Variants in PKNOX2 observed in about 807,000 individuals in gnomAD.
PKNOX2 encodes the protein PBX/knotted 1 homeobox 2.
A neutral mutation model predicts 53.1 loss-of-function variants in PKNOX2; 14 were observed. The observed-to-expected ratio is 0.26, with a 90% CI of 0.17 to 0.41. The LOEUF (loss-of-function observed/expected upper bound fraction) is 0.41. Ranked by LOEUF, PKNOX2 falls within the 10% of genes least tolerant of loss-of-function variation. The pLI, the probability that PKNOX2 is intolerant of heterozygous loss-of-function variation, is 1.00. For missense variants in PKNOX2, 496 were observed against 602.8 expected (o/e 0.82, Z 1.85); for synonymous variants, 257 against 242.8 (o/e 1.06, Z -0.54).
At chr11:125,431,083 G>A in intron 12 of PKNOX2, 83 bp from the exon 13 acceptor site, 1 of 1,517,366 alleles carries the variant, frequency 6.6e-7, no homozygotes, top group Non-Finnish European at 8.8e-7. Flanking sequence ...CTATGAGCCA[G>A]TCCATTAAAC....
At chr11:125,337,316 C>T (rs559162964) in intron 3 of PKNOX2, among the ~76,000 whole-genome samples, 22 of 152,174 alleles carry the variant, frequency 1.4e-4, no homozygotes, top group Non-Finnish European at 2.8e-4. Flanking sequence ...GTTCAGTGTT[C>T]TCCGCCTCTT....
chr11:125,248,268 C>T (rs1943709913), intron 2 of PKNOX2, among the ~76,000 whole-genome samples: 1 of 152,170 alleles, frequency 6.6e-6, no homozygotes, highest in Non-Finnish European at 1.5e-5. Context: ...CAATTTGTCA[C>T]TAGTTACTGG....
chr11:125,207,784 G>A lies in PKNOX2; in HGVS notation c.-200-27261G>A, dbSNP rs935140536. ...AGGAAGAGATGGGAATAAGCATGTC[G>A]GGGGCATGGCTGGCTGTGCCAAATG... is the stretch of plus-strand genomic sequence containing the variant. On this transcript the variant is annotated intron_variant, in intron 1 of 12. Transcript: ENST00000298282. Among the ~76,000 whole-genome samples, 101 of 152,146 alleles carry A rather than the reference G, an allele frequency of 6.6e-4. 1 individual carries two copies. The highest frequency in any genetic ancestry group is 2.3e-3 in the African/African-American group (96 of 41,558).
intron 1 of PKNOX2, among the ~76,000 whole-genome samples, chr11:125,189,508 G>C (rs1221345308): frequency 7.4e-6 from 1 of 134,230 alleles, no homozygotes; most frequent in African/African-American, 2.8e-5. Flanking sequence ...CAAGGAGAGA[G>C]GGGTAGCCCT....
chr11:125,347,756 A>C lies in PKNOX2; in HGVS notation c.-22-3528A>C, dbSNP rs527682751. ...ATGTCATTGTGGGGTCAAGTGTTGC[A>C]ATAGAATTTTTCCCTCCTAGATGTC... On this transcript the variant is annotated intron_variant, in intron 3 of 12. Coordinates refer to ENST00000298282, the MANE Select transcript of PKNOX2 (RefSeq NM_001382323.2). 9.2e-5 allele frequency among the ~76,000 whole-genome samples: 14 copies of C among 152,334 alleles called. No individual in the cohort carries two copies. The South Asian group carries it at 2.3e-3, about 25-fold the overall frequency.
At chr11:125,361,701 T>C (rs1951936968) in intron 4 of PKNOX2, among the ~76,000 whole-genome samples, 2 of 152,216 alleles carry the variant, frequency 1.3e-5, no homozygotes, top group African/African-American at 4.8e-5. Context: ...CCTAATGCTA[T>C]CCCACCCCAT....
At chr11:125,382,541 A>G (rs1387002715) in intron 5 of PKNOX2, among the ~76,000 whole-genome samples, 8 of 152,192 alleles carry the variant, frequency 5.3e-5, no homozygotes, top group Admixed American at 2.0e-4. Flanking sequence ...GGCTGTTTAA[A>G]TGGCAGCAGG....
chr11:125,212,427 G>T (rs1220638824), intron 1 of PKNOX2, among the ~76,000 whole-genome samples: 1 of 150,890 alleles, frequency 6.6e-6, no homozygotes, highest in African/African-American at 2.4e-5. Context: ...GTCAACACTG[G>T]ACAGAAGAAT....
intron 2 of PKNOX2, among the ~76,000 whole-genome samples, chr11:125,306,965 C>T (rs1157742785): frequency 6.6e-6 from 1 of 152,208 alleles, no homozygotes; most frequent in African/African-American, 2.4e-5. Context: ...GCTTTGGCAT[C>T]TTAACCAGCC....
intron 4 of PKNOX2, among the ~76,000 whole-genome samples, chr11:125,358,058 A>T (rs1231273886): frequency 6.6e-6 from 1 of 152,152 alleles, no homozygotes; most frequent in Non-Finnish European, 1.5e-5. Context: ...CTGTCTCACG[A>T]GGCTGTTGAG....
chr11:125,300,249 G>C (rs10466540), intron 2 of PKNOX2, among the ~76,000 whole-genome samples: 25,147 of 152,140 alleles, frequency 0.17, 2,302 homozygotes, highest in East Asian at 0.24. Flanking sequence ...CTTTATCTCT[G>C]TTTTGACCCC....
chr11:125,357,329 C>A (rs902367111), intron 4 of PKNOX2, among the ~76,000 whole-genome samples: 1 of 152,154 alleles, frequency 6.6e-6, no homozygotes, highest in Non-Finnish European at 1.5e-5. Context: ...CAGGTCCAAC[C>A]GTGGGGCCTT....
intron 10 of PKNOX2, among the ~76,000 whole-genome samples, chr11:125,423,428 CCT>C (rs201625033): frequency 0.013 from 1,976 of 152,280 alleles, 16 homozygotes; most frequent in Non-Finnish European, 0.02. Context: ...GAGCAACCTG[CCT>C]CTAGGTGGAG....
intron 6 of PKNOX2, among the ~76,000 whole-genome samples, chr11:125,392,233 G>A (rs745985851): frequency 3.0e-4 from 46 of 152,154 alleles, no homozygotes; most frequent in Middle Eastern, 3.2e-3. Context: ...AGTTAGAGAT[G>A]AACATTATCC....
At chr11:125,278,132 T>A (rs1050924007) in intron 2 of PKNOX2, among the ~76,000 whole-genome samples, 1 of 150,726 alleles carries the variant, frequency 6.6e-6, no homozygotes, top group South Asian at 2.1e-4. Flanking sequence ...GGTGGGAGGA[T>A]CACTTGAGTC....
chr11:125,389,216 C>A (rs1953865483), intron 6 of PKNOX2, among the ~76,000 whole-genome samples: 4 of 151,824 alleles, frequency 2.6e-5, no homozygotes, highest in African/African-American at 2.4e-5. Flanking sequence ...AACAAACAAA[C>A]AAAAAACCCT....
At chr11:125,361,063 G>C (rs73618190) in intron 4 of PKNOX2, among the ~76,000 whole-genome samples, 10,590 of 152,254 alleles carry the variant, frequency 0.07, 584 homozygotes, top group African/African-American at 0.15. Context: ...GTGACCTGAG[G>C]ATTCAGGGTC....
chr11:125,374,651 G>A (rs191853912), intron 5 of PKNOX2, among the ~76,000 whole-genome samples: 99 of 152,252 alleles, frequency 6.5e-4, no homozygotes, highest in African/African-American at 2.1e-3. Context: ...GTGGTTGGTC[G>A]TGCTGCTTCC....
At chr11:125,334,447 T>C (rs149891931) in intron 3 of PKNOX2, among the ~76,000 whole-genome samples, 175 of 152,298 alleles carry the variant, frequency 1.1e-3, no homozygotes, top group Non-Finnish European at 2.0e-3. Context: ...CTCTTCTCAG[T>C]TGGTGAACAC....
Sources: allele counts gnomAD v4.1 joint callset (sites outside exome capture counted in the v4.1 genomes callset), GRCh38; gene constraint gnomAD v4.1.1; transcripts MANE v1.5; gene names NCBI Gene and HGNC (gene_info 2026-07-23, HGNC 2026-07-21).